Variants in TMEM44 observed in about 807,000 individuals in gnomAD.
TMEM44 encodes transmembrane protein 44.
A neutral mutation model predicts 47.8 loss-of-function variants in TMEM44; 43 were observed. The ratio of observed to expected loss-of-function variants is 0.90; its 90% confidence interval spans 0.70 to 1.16. The LOEUF (loss-of-function observed/expected upper bound fraction) is 1.16, where lower values mean the gene tolerates loss of function less well. TMEM44 is among the 50% of genes most tolerant of loss of function. TMEM44 has a pLI of 0.00. For synonymous variants in TMEM44, 277 were observed against 238.8 expected (o/e 1.16, Z -1.48); for missense variants, 568 against 555.2 (o/e 1.02, Z -0.23).
intron 7 of TMEM44, among the ~76,000 whole-genome samples, chr3:194,614,877 C>T (rs951868144): frequency 2.6e-5 from 4 of 152,132 alleles, no homozygotes; most frequent in South Asian, 2.1e-4. Flanking sequence ...TGTATAATTG[C>T]GAAACCGGAG....
intron 9 of TMEM44, among the ~76,000 whole-genome samples, chr3:194,594,165 A>ATCTATCTC (rs766929721): frequency 1.6e-4 from 12 of 76,546 alleles, no homozygotes; most frequent in African/African-American, 4.2e-4. Flanking sequence ...CTATCTATCT[A>ATCTATCTC]TATCTATCTA....
At position 194,617,539 on chromosome 3, in the gene TMEM44, G is replaced by T. The variant is rs1030253780; in HGVS notation, c.613-270C>A. 6 of 618,018 alleles carry T rather than the reference G, an allele frequency of 9.7e-6. No individual in the cohort carries two copies. In the African/African-American group the frequency reaches 1.1e-4, roughly 11 times the overall value. The allele number at this position is 618,018 out of a possible 1,614,324, so 38.3% of individuals were successfully genotyped here. A position where few individuals can be genotyped will look rare whatever the true frequency, so the allele number is the denominator to read the frequency against. ...GCGAGCAAGCAACTCCCTTTTCTGGGCCCTAACGCATCCCTCCAGCGGAGT... is the reference window on the plus strand; with the variant it reads ...GCGAGCAAGCAACTCCCTTTTCTGGTCCCTAACGCATCCCTCCAGCGGAGT... On this transcript the variant is annotated intron_variant, in intron 5 of 9. Transcript: ENST00000347147.
At chr3:194,591,319 C>A (rs979712550) in intron 9 of TMEM44, among the ~76,000 whole-genome samples, 1 of 151,892 alleles carries the variant, frequency 6.6e-6, no homozygotes, top group African/African-American at 2.4e-5. Context: ...ATGGTGAAAC[C>A]CCATCTCTAT....
At chr3:194,629,936 G>T in intron 1 of TMEM44, among the ~76,000 whole-genome samples, 2 of 52,184 alleles carry the variant, frequency 3.8e-5, no homozygotes, top group African/African-American at 1.6e-4. Flanking sequence ...CTGTCGTACT[G>T]CCTCCCGAAG....
intron 8 of TMEM44, among the ~76,000 whole-genome samples, chr3:194,606,952 C>A (rs200909729): frequency 1.9e-3 from 208 of 111,724 alleles, no homozygotes; most frequent in East Asian, 6.4e-3. Flanking sequence ...GACTCTGCCT[C>A]AAAAAAAAAA....
At chr3:194,629,482 T>C (rs1717535171) in intron 1 of TMEM44, among the ~76,000 whole-genome samples, 1 of 152,214 alleles carries the variant, frequency 6.6e-6, no homozygotes, top group Admixed American at 6.5e-5. Flanking sequence ...GCGTCACTGA[T>C]AGGGCCTCTG....
At chr3:194,614,670 G>A (rs1414464206) in intron 7 of TMEM44, among the ~76,000 whole-genome samples, 5 of 152,092 alleles carry the variant, frequency 3.3e-5, no homozygotes, top group African/African-American at 1.2e-4. Context: ...GCCACCCAAA[G>A]TGCTGGGATT....
chr3:194,608,780 C>T lies in TMEM44; in HGVS notation c.1017+2136G>A, dbSNP rs560045338. Among the ~76,000 whole-genome samples, 184 of 152,256 alleles carry T rather than the reference C, an allele frequency of 1.2e-3. 1 individual carries two copies. The highest frequency in any genetic ancestry group is 4.6e-3 in the East Asian group (24 of 5,188). On this transcript the variant is annotated intron_variant, in intron 8 of 9. Transcript: ENST00000347147. ...CTGGTCTCGAACTCCTGGCCTCAAG[C>T]GATACTCCTACCTCAGGTTCCCAAA...
At chr3:194,622,989 C>G (rs574319386) in intron 5 of TMEM44, 59 of 451,990 alleles carry the variant, frequency 1.3e-4, no homozygotes, top group African/African-American at 1.1e-3. Flanking sequence ...GAAGAACACA[C>G]GGGCTTTCCC....
chr3:194,592,172 C>T (rs377395831), intron 9 of TMEM44, among the ~76,000 whole-genome samples: 56 of 148,762 alleles, frequency 3.8e-4, no homozygotes, highest in South Asian at 1.7e-3. Flanking sequence ...GAGCCGAGAT[C>T]GCACCACTGC....
At chr3:194,612,615 T>C (rs913534712) in intron 7 of TMEM44, among the ~76,000 whole-genome samples, 4 of 108,056 alleles carry the variant, frequency 3.7e-5, no homozygotes, top group African/African-American at 1.3e-4. Flanking sequence ...GAGAGTTTTT[T>C]CCAAAAAAAA....
At position 194,633,311 on chromosome 3, in the gene TMEM44, C is replaced by G; in HGVS notation, c.-96G>C. 3.9e-6 allele frequency: 2 copies of G among 510,100 alleles called. No homozygotes were observed. The highest frequency in any genetic ancestry group is 9.8e-4 in the Middle Eastern group (1 of 1,024). The allele number at this position is 510,100 out of a possible 1,614,324, so 31.6% of individuals were successfully genotyped here. A position where few individuals can be genotyped will look rare whatever the true frequency, so the allele number is the denominator to read the frequency against. On this transcript the variant is annotated 5_prime_UTR_variant, in exon 1 of 10. Transcript: ENST00000347147. The stretch of plus-strand genomic sequence containing the variant: ...GCGCCGCCGCCCCGCGTGCCCTTCT[C>G]TGGGTTCCGTTCCGCCGCGGCGCCT...
intron 8 of TMEM44, among the ~76,000 whole-genome samples, chr3:194,609,398 G>A (rs561055893): frequency 6.6e-6 from 1 of 152,310 alleles, no homozygotes; most frequent in Admixed American, 6.5e-5. Context: ...AGAGGAGCCA[G>A]CAGAGGCCGA....
In TMEM44 at chr3:194,610,905, T is replaced by C. The variant is rs1304294616; in HGVS notation, c.1017+11A>G. ...CTCTCAGACACCTGGCCATGACCGA[T>C]GGCCACTCACCTGCTGCACAGGCTC... On this transcript the variant is annotated intron_variant, in intron 8 of 9. Transcript: ENST00000347147. The C allele has an allele frequency of 1.9e-6, 3 of 1,611,622 alleles. No homozygotes were observed. Among genetic ancestry groups the C allele is most frequent in the South Asian group, 1.1e-5 (1 of 90,450 alleles).
intron 3 of TMEM44, 54 bp downstream of exon 3, chr3:194,625,843 G>T: frequency 1.4e-6 from 2 of 1,466,144 alleles, no homozygotes; most frequent in Non-Finnish European, 1.9e-6. Context: ...GGCATTCGGC[G>T]TGCTGATGAA....
chr3:194,609,035 TG>T (rs1426213777), intron 8 of TMEM44, among the ~76,000 whole-genome samples: 2 of 152,132 alleles, frequency 1.3e-5, no homozygotes, highest in African/African-American at 2.4e-5. Context: ...AAGGAATGGA[TG>T]GGCATGGGGG....
chr3:194,593,306 A>G (rs1712991329), intron 9 of TMEM44, among the ~76,000 whole-genome samples: 1 of 152,176 alleles, frequency 6.6e-6, no homozygotes, highest in Admixed American at 6.5e-5. Context: ...GAAGGGCTGC[A>G]CGTCCTGGGA....
At chr3:194,595,408 C>T (rs1380449698) in intron 9 of TMEM44, among the ~76,000 whole-genome samples, 1 of 152,122 alleles carries the variant, frequency 6.6e-6, no homozygotes, top group Admixed American at 6.5e-5. Context: ...TAGGATGTGT[C>T]TAAGTTACTG....
intron 8 of TMEM44, among the ~76,000 whole-genome samples, chr3:194,610,250 G>A (rs1283115406): frequency 6.6e-6 from 1 of 151,524 alleles, no homozygotes; most frequent in East Asian, 1.9e-4. Context: ...TAGACTCCGT[G>A]TCTAAACGAC....
Sources: allele counts gnomAD v4.1 joint callset (sites outside exome capture counted in the v4.1 genomes callset), GRCh38; gene constraint gnomAD v4.1.1; transcripts MANE v1.5; gene names NCBI Gene and HGNC (gene_info 2026-07-23, HGNC 2026-07-21).